The following WWOX variants were observed in gnomAD, a reference collection of about 807,000 sequenced individuals.
The protein encoded by WWOX is WW domain-containing oxidoreductase.
WWOX carries 69 observed loss-of-function variants against 46.2 expected under a neutral mutation model. The observed-to-expected ratio is 1.49, with a 90% CI of 1.23 to 1.82. WWOX has a LOEUF of 1.82. WWOX is among the 40% of genes most tolerant of loss of function. The pLI is 0.00. For synonymous variants in WWOX, 359 were observed against 202.6 expected (o/e 1.77, Z -6.56); for missense variants, 919 against 542.6 (o/e 1.69, Z -6.89).
At chr16:78,970,616 G>T (rs533042997) in intron 8 of WWOX, among the ~76,000 whole-genome samples, 1 of 152,336 alleles carries the variant, frequency 6.6e-6, no homozygotes, top group Admixed American at 6.5e-5. Flanking sequence ...AGGAAAGTCA[G>T]AGAGCTAACA....
intron 8 of WWOX, among the ~76,000 whole-genome samples, chr16:78,749,197 C>T (rs903730015): frequency 1.3e-5 from 2 of 152,080 alleles, no homozygotes; most frequent in Non-Finnish European, 2.9e-5. Context: ...GACCTGTGTG[C>T]CATGCATCAC....
intron 6 of WWOX, among the ~76,000 whole-genome samples, chr16:78,416,328 T>G (rs1363872509): frequency 6.6e-6 from 1 of 152,328 alleles, no homozygotes; most frequent in Non-Finnish European, 1.5e-5. Context: ...GAGGCAAAAG[T>G]AATTCTTTTC....
chr16:79,177,795 T>C (rs1200372782), intron 8 of WWOX, among the ~76,000 whole-genome samples: 2 of 152,340 alleles, frequency 1.3e-5, no homozygotes, highest in East Asian at 1.9e-4. Context: ...TTGTGGACCA[T>C]AGGGCCTGTG....
intron 8 of WWOX, chr16:79,017,498 T>C (rs927621959): frequency 7.7e-6 from 1 of 130,074 alleles, no homozygotes; most frequent in Non-Finnish European, 1.6e-5. Flanking sequence ...AGAGCACGGA[T>C]GAGCAAACTG....
chr16:78,749,877 G>T (rs573700790), intron 8 of WWOX, among the ~76,000 whole-genome samples: 1 of 152,148 alleles, frequency 6.6e-6, no homozygotes. Context: ...TTAATACCAA[G>T]TTTGACTTTC....
Position 78,578,258 on chromosome 16 carries a change from A to ATATATATATATATATATT in WWOX, c.1056+145523_1056+145524insTTATATATATATATATAT, listed in dbSNP as rs1555567056. ...AATATATGTGCATACCAAATTTTAT[A>ATATATATATATATATATT]TATATATATATATATATATATATAT... On this transcript the variant is annotated intron_variant, in intron 8 of 8. Transcript: ENST00000566780. Among the ~76,000 whole-genome samples, 73 of 23,300 alleles carry ATATATATATATATATATT rather than the reference A, an allele frequency of 3.1e-3. 2 individuals are homozygous for ATATATATATATATATATT. Among genetic ancestry groups the ATATATATATATATATATT allele is most frequent in the East Asian group, 0.029 (21 of 718 alleles). The allele number at this position is 23,300 out of a possible 152,430, so 15.3% of individuals were successfully genotyped here.
chr16:78,568,569 G>A (rs1383502356), intron 8 of WWOX, among the ~76,000 whole-genome samples: 1 of 149,266 alleles, frequency 6.7e-6, no homozygotes, highest in Non-Finnish European at 1.5e-5. Flanking sequence ...TCTGCCTCCT[G>A]GATTCAAGCG....
chr16:78,424,869 G>A lies in WWOX; in HGVS notation c.606-1G>A, dbSNP rs730882215. On this transcript the variant is annotated splice_acceptor_variant, in intron 6 of 8. Coordinates refer to ENST00000566780, the MANE Select transcript of WWOX (RefSeq NM_016373.4). LOFTEE classifies it high-confidence loss of function. ...ATCACATGGGATATTTTATTTTTCA[G>A]GCCTCTTCATGTGCTTGTGTGCAAC... is the stretch of plus-strand genomic sequence containing the variant. The A allele has an allele frequency of 4.3e-6, 7 of 1,614,082 alleles. No individual in the cohort carries two copies. Among genetic ancestry groups the A allele is most frequent in the Middle Eastern group, 3.3e-4 (2 of 6,062 alleles).
intron 8 of WWOX, among the ~76,000 whole-genome samples, chr16:78,538,824 C>G (rs968057428): frequency 3.3e-5 from 5 of 152,158 alleles, no homozygotes; most frequent in Admixed American, 3.3e-4. Flanking sequence ...AATATGTCAC[C>G]TGATATTGGA....
At chr16:78,716,408 G>A (rs370426946) in intron 8 of WWOX, among the ~76,000 whole-genome samples, 3 of 152,128 alleles carry the variant, frequency 2.0e-5, no homozygotes, top group African/African-American at 7.2e-5. Context: ...CCAGTGTGCA[G>A]TAGCTTTCTG....
chr16:79,086,327 T>G (rs868060790), intron 8 of WWOX, among the ~76,000 whole-genome samples: 1 of 152,206 alleles, frequency 6.6e-6, no homozygotes, highest in African/African-American at 2.4e-5. Flanking sequence ...TATTTTAATT[T>G]GATTGATATG....
intron 8 of WWOX, among the ~76,000 whole-genome samples, chr16:78,988,558 C>T (rs889190383): frequency 2.6e-5 from 4 of 151,986 alleles, no homozygotes; most frequent in African/African-American, 7.2e-5. Context: ...GGAGAGGTCC[C>T]AGCGGAATAA....
intron 8 of WWOX, among the ~76,000 whole-genome samples, chr16:78,500,372 T>C (rs2085030058): frequency 6.7e-6 from 1 of 149,992 alleles, no homozygotes; most frequent in Non-Finnish European, 1.5e-5. Flanking sequence ...AGCCAACATT[T>C]TTGCATTTCT....
chr16:78,589,968 C>A (rs1252711131), intron 8 of WWOX, among the ~76,000 whole-genome samples: 1 of 152,114 alleles, frequency 6.6e-6, no homozygotes, highest in Non-Finnish European at 1.5e-5. Context: ...AGGTTATCTT[C>A]TAGTTTACCT....
chr16:78,213,441 A>G (rs775887051), intron 5 of WWOX, among the ~76,000 whole-genome samples: 19 of 151,636 alleles, frequency 1.3e-4, no homozygotes, highest in Non-Finnish European at 2.8e-4. Flanking sequence ...TCATGCCCCA[A>G]TTCGAAAGAT....
intron 5 of WWOX, among the ~76,000 whole-genome samples, chr16:78,374,015 G>A (rs1265736455): frequency 1.3e-5 from 2 of 152,194 alleles, no homozygotes; most frequent in African/African-American, 4.8e-5. Flanking sequence ...TTGAACTCCT[G>A]ACCTCAAGTG....
chr16:79,019,006 A>T (rs958692803), intron 8 of WWOX, among the ~76,000 whole-genome samples: 32 of 151,880 alleles, frequency 2.1e-4, no homozygotes, highest in African/African-American at 7.2e-4. Context: ...TTAAAAATTT[A>T]GCCGGGCAGG....
intron 8 of WWOX, among the ~76,000 whole-genome samples, chr16:78,900,027 C>T (rs184864328): frequency 2.3e-4 from 34 of 147,504 alleles, no homozygotes; most frequent in Admixed American, 4.7e-4. Context: ...GCTACCAAAA[C>T]GGAGATGTGC....
At chr16:78,653,433 A>C (rs57417567) in intron 8 of WWOX, among the ~76,000 whole-genome samples, 2 of 152,246 alleles carry the variant, frequency 1.3e-5, no homozygotes, top group Non-Finnish European at 2.9e-5. Flanking sequence ...GTCTAAGCCC[A>C]TAATGCTGTG....
Sources: allele counts gnomAD v4.1 joint callset (sites outside exome capture counted in the v4.1 genomes callset), GRCh38; gene constraint gnomAD v4.1.1; transcripts MANE v1.5; gene names NCBI Gene and HGNC (gene_info 2026-07-23, HGNC 2026-07-21).